Variants in ROBO2 observed in about 807,000 individuals in gnomAD.
The protein encoded by ROBO2 is roundabout homolog 2.
Under a neutral mutation model 160.8 loss-of-function variants are expected in ROBO2, and 53 were observed. That is an observed-to-expected ratio of 0.33 (90% CI 0.26 to 0.41). ROBO2 has a LOEUF of 0.41. Among genes scored for constraint, ROBO2 ranks in the 10% least tolerant of loss-of-function variants. The pLI is 1.00. For missense variants in ROBO2, 1,577 were observed against 1,722.4 expected (o/e 0.92, Z 1.49); for synonymous variants, 664 against 611.7 (o/e 1.09, Z -1.26).
At chr3:77,006,871 G>T (rs545445676) in intron 2 of ROBO2, among the ~76,000 whole-genome samples, 1 of 152,140 alleles carries the variant, frequency 6.6e-6, no homozygotes, top group African/African-American at 2.4e-5. Flanking sequence ...GAAGTATAAG[G>T]TATTTATTAC....
chr3:76,554,153 G>T (rs947960788), intron 2 of ROBO2, among the ~76,000 whole-genome samples: 1 of 152,168 alleles, frequency 6.6e-6, no homozygotes, highest in African/African-American at 2.4e-5. Context: ...AAAACATATT[G>T]TATAACTTGT....
chr3:76,704,375 G>A (rs77931293), intron 2 of ROBO2, among the ~76,000 whole-genome samples: 1 of 151,954 alleles, frequency 6.6e-6, no homozygotes, highest in Non-Finnish European at 1.5e-5. Flanking sequence ...GACTTTTGTT[G>A]ATCAATTTCT....
At chr3:76,079,113 A>T (rs1201853040) in intron 2 of ROBO2, among the ~76,000 whole-genome samples, 1 of 152,176 alleles carries the variant, frequency 6.6e-6, no homozygotes, top group South Asian at 2.1e-4. Context: ...GATCTTATAG[A>T]TATAGGAAAA....
chr3:76,791,121 A>G (rs2063324549), intron 2 of ROBO2, among the ~76,000 whole-genome samples: 1 of 151,760 alleles, frequency 6.6e-6, no homozygotes. Flanking sequence ...CAGTGTGATG[A>G]AGAAAATCTT....
chr3:77,158,172 C>A lies in ROBO2; in HGVS notation c.388+59832C>A, dbSNP rs370639596. ...ATATTTAAGTTGACCATGTGCAGTG[C>A]ATGTATTGGACACCAGCCAGGACCC... is the stretch of plus-strand genomic sequence containing the variant. On this transcript the variant is annotated intron_variant, in intron 2 of 25. Transcript: ENST00000461745. 3.3e-5 allele frequency among the ~76,000 whole-genome samples: 5 copies of A among 152,220 alleles called. No homozygotes were observed. In the East Asian group the frequency reaches 5.8e-4, roughly 18 times the overall value.
In ROBO2 at chr3:76,702,612, C is replaced by A. The variant is rs113864717; in HGVS notation, c.110-395402C>A. Among the ~76,000 whole-genome samples, 1,411 of 151,880 alleles carry A rather than the reference C, an allele frequency of 9.3e-3. 17 individuals carry two copies. The highest frequency in any genetic ancestry group is 0.031 in the African/African-American group (1,278 of 41,432). On this transcript the variant is annotated intron_variant, in intron 2 of 26. Coordinates refer to the ROBO2 transcript ENST00000487694. The stretch of plus-strand genomic sequence containing the variant: ...AGTGATTTAAAAATCCTGAATCCAG[C>A]GTATGGTGTGTTGTGATGATAGATG...
At chr3:77,612,051 G>T (rs1206554308) in intron 21 of ROBO2, among the ~76,000 whole-genome samples, 3 of 152,126 alleles carry the variant, frequency 2.0e-5, no homozygotes, top group African/African-American at 7.2e-5. Flanking sequence ...TAATTCACAT[G>T]AAACATTGAT....
At chr3:77,188,331 G>T (rs368869607) in intron 2 of ROBO2, among the ~76,000 whole-genome samples, 1 of 117,944 alleles carries the variant, frequency 8.5e-6, no homozygotes, top group African/African-American at 3.0e-5. Context: ...ACTAATATTA[G>T]TCAAACAGAG....
Position 77,632,233 on chromosome 3 carries a change from GT to G in ROBO2, c.3761-2635del, listed in dbSNP as rs1583409341. 3.6e-5 allele frequency: 12 copies of G among 330,774 alleles called. No homozygotes were observed. The East Asian group carries it at 5.5e-4, about 15-fold the overall frequency. 20.5% of individuals were successfully genotyped at this position (330,774 alleles called of 1,614,324 possible). A position where few individuals can be genotyped will look rare whatever the true frequency, so the allele number is the denominator to read the frequency against. ...GTGTAATAATTTAAACAATGTAAGA[GT>G]TGAACAGTGCAGCACATGCTTTGCT... On this transcript the variant is annotated intron_variant, in intron 23 of 25. Coordinates refer to ENST00000461745, the Ensembl canonical transcript of ROBO2.
intron 2 of ROBO2, among the ~76,000 whole-genome samples, chr3:76,468,725 T>C (rs143571983): frequency 1.3e-5 from 2 of 152,134 alleles, no homozygotes; most frequent in African/African-American, 4.8e-5. Context: ...GTACCTAGTT[T>C]TTCTCTCCCA....
chr3:76,523,982 GTGTA>G (rs933991697), intron 2 of ROBO2, among the ~76,000 whole-genome samples: 2 of 121,466 alleles, frequency 1.6e-5, no homozygotes, highest in African/African-American at 2.6e-5. Context: ...GTGTGTGTGT[GTGTA>G]TGTGTGTGTG....
At chr3:76,376,239 A>C (rs1003620702) in intron 2 of ROBO2, among the ~76,000 whole-genome samples, 2 of 152,136 alleles carry the variant, frequency 1.3e-5, no homozygotes, top group African/African-American at 4.8e-5. Context: ...GAAACAAATA[A>C]TTCACTTAGG....
At chr3:76,337,306 T>G (rs1038366701) in intron 2 of ROBO2, among the ~76,000 whole-genome samples, 5 of 152,232 alleles carry the variant, frequency 3.3e-5, no homozygotes, top group Non-Finnish European at 7.4e-5. Flanking sequence ...CTAAAAACTC[T>G]CCCCTGCTGT....
At chr3:77,646,170 G>C (rs1227366151) in exon 26 of ROBO2, 2 of 675,768 alleles carry the variant, frequency 3.0e-6, no homozygotes, top group Admixed American at 3.1e-5. Flanking sequence ...TAAAAGAACT[G>C]TAAATGCAAT....
intron 1 of ROBO2, among the ~76,000 whole-genome samples, chr3:75,931,239 A>G (rs1309237988): frequency 1.3e-5 from 2 of 152,254 alleles, no homozygotes; most frequent in Non-Finnish European, 2.9e-5. Flanking sequence ...TTCTTAAAAG[A>G]CGAACCTTTC....
chr3:77,025,462 T>C (rs1044802855), intron 2 of ROBO2, among the ~76,000 whole-genome samples: 6 of 152,204 alleles, frequency 3.9e-5, no homozygotes, highest in African/African-American at 1.4e-4. Flanking sequence ...AAAACTAATG[T>C]CCTGCAGTGA....
rs572579857 is a variant in ROBO2 at position 76,238,070 on chromosome 3, G to A, written c.109+300468G>A. ...CACATTATGGGTACTATGGCAAAAA[G>A]GTCTGAAAGACATGAAATGGACTTT... is the stretch of plus-strand genomic sequence containing the variant. On this transcript the variant is annotated intron_variant, in intron 2 of 26. Coordinates refer to the ROBO2 transcript ENST00000487694. Among the ~76,000 whole-genome samples, 14 of 152,152 alleles carry A rather than the reference G, an allele frequency of 9.2e-5. 1 individual carries two copies. Among genetic ancestry groups the A allele is most frequent in the South Asian group, 4.2e-4 (2 of 4,812 alleles).
At chr3:76,491,516 A>G (rs879474227) in intron 2 of ROBO2, among the ~76,000 whole-genome samples, 24 of 152,192 alleles carry the variant, frequency 1.6e-4, no homozygotes, top group Non-Finnish European at 2.8e-4. Context: ...GATAAAACAG[A>G]AATCAGAAAT....
intron 2 of ROBO2, among the ~76,000 whole-genome samples, chr3:76,734,120 C>T (rs774596): frequency 0.18 from 27,560 of 152,108 alleles, 2,646 homozygotes; most frequent in Non-Finnish European, 0.22. Context: ...GGGGTTTGTA[C>T]TTCAACATAC....
Sources: allele counts gnomAD v4.1 joint callset (sites outside exome capture counted in the v4.1 genomes callset), GRCh38; gene constraint gnomAD v4.1.1; transcripts MANE v1.5; gene names NCBI Gene and HGNC (gene_info 2026-07-23, HGNC 2026-07-21).